The following CPQ variants were observed in gnomAD, a reference collection of about 807,000 sequenced individuals.
The protein encoded by CPQ is carboxypeptidase Q.
CPQ carries 37 observed loss-of-function variants against 45.7 expected under a neutral mutation model. The ratio of observed to expected loss-of-function variants is 0.81; its 90% CI spans 0.62 to 1.07. The LOEUF is 1.07. CPQ is among the 50% of genes least tolerant of loss of function. The pLI is 0.00. For missense variants in CPQ, 537 were observed against 572.9 expected (o/e 0.94, Z 0.64); for synonymous variants, 186 against 205.8 (o/e 0.90, Z 0.82).
chr8:96,731,714 G>C (rs190005101), intron 1 of CPQ, among the ~76,000 whole-genome samples: 1 of 152,300 alleles, frequency 6.6e-6, no homozygotes, highest in East Asian at 1.9e-4. Flanking sequence ...TAGTGGAAGG[G>C]CTGGGGGTGT....
intron 4 of CPQ, among the ~76,000 whole-genome samples, chr8:96,959,891 C>CAAA (rs540520742): frequency 1.7e-4 from 14 of 80,538 alleles, no homozygotes; most frequent in Non-Finnish European, 3.2e-4. Flanking sequence ...ATCACAAAAG[C>CAAA]AAAAAAAAAA....
At chr8:96,787,297 C>T (rs1441300821) in intron 2 of CPQ, among the ~76,000 whole-genome samples, 1 of 151,982 alleles carries the variant, frequency 6.6e-6, no homozygotes, top group Non-Finnish European at 1.5e-5. Flanking sequence ...ATTCAGTTGT[C>T]TCAGCTTCAT....
At chr8:96,764,138 C>G (rs1356834043) in intron 1 of CPQ, among the ~76,000 whole-genome samples, 2 of 152,122 alleles carry the variant, frequency 1.3e-5, no homozygotes, top group East Asian at 3.8e-4. Context: ...ACCCAAATCT[C>G]CATCAATAAG....
chr8:97,000,294 T>G (rs1482692758), intron 5 of CPQ, among the ~76,000 whole-genome samples: 1 of 151,936 alleles, frequency 6.6e-6, no homozygotes, highest in Non-Finnish European at 1.5e-5. Flanking sequence ...TTCATGAATC[T>G]TCATCATGAA....
At chr8:96,658,637 G>A (rs74773109) in intron 1 of CPQ, among the ~76,000 whole-genome samples, 2,251 of 152,316 alleles carry the variant, frequency 0.015, 17 homozygotes, top group Middle Eastern at 0.027. Context: ...TTATCCTGGT[G>A]GGCCCAATGT....
intron 2 of CPQ, among the ~76,000 whole-genome samples, chr8:96,799,198 A>G (rs1810974427): frequency 6.6e-6 from 1 of 152,228 alleles, no homozygotes. Flanking sequence ...TTCTTTCTGG[A>G]AACTTAAGCA....
chr8:96,813,293 G>A (rs1216832129), intron 2 of CPQ, among the ~76,000 whole-genome samples: 13 of 152,118 alleles, frequency 8.5e-5, no homozygotes, highest in Non-Finnish European at 1.6e-4. Context: ...GAGGCCTGGG[G>A]AACTTTAACA....
intron 2 of CPQ, among the ~76,000 whole-genome samples, chr8:96,834,649 T>C (rs540387054): frequency 6.6e-5 from 10 of 152,348 alleles, no homozygotes; most frequent in African/African-American, 2.4e-4. Flanking sequence ...AGCATCATTC[T>C]TTGAAATTTG....
intron 4 of CPQ, among the ~76,000 whole-genome samples, chr8:96,948,640 A>G (rs1813220026): frequency 1.3e-5 from 2 of 152,084 alleles, no homozygotes; most frequent in South Asian, 4.1e-4. Context: ...AATGCTCCGT[A>G]TGTATCTGTT....
intron 3 of CPQ, among the ~76,000 whole-genome samples, chr8:96,864,833 G>A (rs1295010091): frequency 6.6e-6 from 1 of 152,030 alleles, no homozygotes; most frequent in Non-Finnish European, 1.5e-5. Flanking sequence ...GGCACAGCAT[G>A]AGGAGAGGAG....
chr8:96,683,487 A>G (rs1235330327), intron 1 of CPQ, among the ~76,000 whole-genome samples: 1 of 151,974 alleles, frequency 6.6e-6, no homozygotes, highest in Non-Finnish European at 1.5e-5. Flanking sequence ...GTTTGCTTAT[A>G]ATGTAATTTA....
At chr8:96,804,833 C>T (rs1415334184) in intron 2 of CPQ, among the ~76,000 whole-genome samples, 1 of 151,596 alleles carries the variant, frequency 6.6e-6, no homozygotes, top group African/African-American at 2.4e-5. Context: ...TTCACACTGC[C>T]GTATTGTACT....
At chr8:96,790,170 A>T (rs952972267) in intron 2 of CPQ, among the ~76,000 whole-genome samples, 1 of 152,160 alleles carries the variant, frequency 6.6e-6, no homozygotes, top group African/African-American at 2.4e-5. Flanking sequence ...ACTAACATCA[A>T]TAAGAACTAT....
intron 1 of CPQ, among the ~76,000 whole-genome samples, chr8:96,689,142 G>A (rs895254994): frequency 2.0e-5 from 3 of 152,286 alleles, no homozygotes; most frequent in South Asian, 2.1e-4. Flanking sequence ...ACCAGCCAAC[G>A]TTAAGAGAAA....
chr8:97,042,077 T>C (rs943312247), intron 6 of CPQ, among the ~76,000 whole-genome samples: 11 of 152,230 alleles, frequency 7.2e-5, no homozygotes, highest in African/African-American at 2.7e-4. Context: ...TTCCTCCTTG[T>C]ACCTCTGGTA....
intron 3 of CPQ, among the ~76,000 whole-genome samples, chr8:96,859,638 A>G (rs1447474267): frequency 3.3e-5 from 5 of 152,150 alleles, no homozygotes; most frequent in African/African-American, 1.2e-4. Flanking sequence ...ATGTCCTTAA[A>G]TATGTGATTT....
chr8:97,115,485 G>A (rs925934523), intron 7 of CPQ, among the ~76,000 whole-genome samples: 2 of 152,140 alleles, frequency 1.3e-5, no homozygotes, highest in African/African-American at 4.8e-5. Context: ...ATTAGTTACC[G>A]GGTAGGAATA....
chr8:96,672,046 T>TTC (rs1809010091), intron 1 of CPQ, among the ~76,000 whole-genome samples: 1 of 151,902 alleles, frequency 6.6e-6, no homozygotes, highest in Non-Finnish European at 1.5e-5. Context: ...AATCAGATAA[T>TTC]TGTCTCTCTG....
chr8:97,040,077 G>C (rs1443522086), intron 6 of CPQ, among the ~76,000 whole-genome samples: 2 of 150,054 alleles, frequency 1.3e-5, no homozygotes, highest in East Asian at 3.9e-4. Flanking sequence ...CACAATGGTT[G>C]AACTAGTTTA....
Sources: allele counts gnomAD v4.1 joint callset (sites outside exome capture counted in the v4.1 genomes callset), GRCh38; gene constraint gnomAD v4.1.1; transcripts MANE v1.5; gene names NCBI Gene and HGNC (gene_info 2026-07-23, HGNC 2026-07-21).